The following WDFY2 variants were observed in gnomAD, a reference collection of about 807,000 sequenced individuals.
The protein encoded by WDFY2 is WD repeat and FYVE domain containing 2.
In WDFY2, 36 loss-of-function variants were observed where a neutral mutation model predicts 56.4. The ratio of observed to expected loss-of-function variants is 0.64; its 90% confidence interval spans 0.49 to 0.84. The LOEUF (loss-of-function observed/expected upper bound fraction) is 0.84. Ranked by LOEUF, WDFY2 falls within the 40% of genes least tolerant of loss-of-function variation. The pLI is 0.00. For synonymous variants in WDFY2, 176 were observed against 183.7 expected (o/e 0.96, Z 0.34); for missense variants, 444 against 512.2 (o/e 0.87, Z 1.29).
chr13:51,660,423 C>T (rs746396941), intron 1 of WDFY2, among the ~76,000 whole-genome samples, 173 bp from the exon 2 acceptor site: 119 of 151,808 alleles, frequency 7.8e-4, no homozygotes, highest in Non-Finnish European at 3.5e-4. Context: ...TGGTCTCGAA[C>T]TCCTGACCTC....
chr13:51,609,988 T>G (rs1027667784), intron 1 of WDFY2, among the ~76,000 whole-genome samples: 12 of 152,170 alleles, frequency 7.9e-5, no homozygotes, highest in African/African-American at 2.9e-4. Context: ...CCTCAACATG[T>G]ATGATTCTTG....
intron 1 of WDFY2, among the ~76,000 whole-genome samples, chr13:51,585,419 C>G (rs1253672697): frequency 1.3e-5 from 2 of 152,138 alleles, no homozygotes; most frequent in African/African-American, 4.8e-5. Context: ...TCTTGGAGCT[C>G]GAGGAGAAGC....
chr13:51,723,471 T>G (rs1348062481), intron 5 of WDFY2, among the ~76,000 whole-genome samples: 2 of 152,206 alleles, frequency 1.3e-5, no homozygotes, highest in African/African-American at 4.8e-5. Context: ...TTCACTTTTT[T>G]TTAATGCCAC....
intron 2 of WDFY2, among the ~76,000 whole-genome samples, chr13:51,667,809 T>A (rs1317865003): frequency 6.6e-6 from 1 of 151,618 alleles, no homozygotes; most frequent in African/African-American, 2.4e-5. Context: ...TTCATATTCT[T>A]ATAAACCATA....
rs991794739 is a variant in WDFY2, at chr13:51,743,357, G to A, written c.725+4182G>A. ...GCCAATGGCCTGCAGCCTCAGGCGA[G>A]GCACTGCACCTTTCTGATCTTCAGT... On this transcript the variant is annotated intron_variant, in intron 7 of 11. Transcript: ENST00000298125. Among the ~76,000 whole-genome samples, 9 of 152,308 alleles carry A rather than the reference G, an allele frequency of 5.9e-5. No individual in the cohort carries two copies. The South Asian group carries it at 1.4e-3, about 25-fold the overall frequency.
intron 7 of WDFY2, among the ~76,000 whole-genome samples, chr13:51,745,737 T>TA (rs1457644588): frequency 2.5e-5 from 3 of 117,808 alleles, no homozygotes; most frequent in African/African-American, 9.7e-5. Flanking sequence ...TATCCTTCAT[T>TA]TAAAAAAAAA....
chr13:51,697,049 G>A (rs572781562), intron 3 of WDFY2, among the ~76,000 whole-genome samples: 3 of 152,206 alleles, frequency 2.0e-5, no homozygotes, highest in Admixed American at 2.0e-4. Context: ...ACATTTTAAG[G>A]TGTTAAAATG....
intron 4 of WDFY2, among the ~76,000 whole-genome samples, chr13:51,717,029 A>G (rs1258688193): frequency 2.0e-5 from 3 of 152,182 alleles, no homozygotes; most frequent in African/African-American, 4.8e-5. Flanking sequence ...AGCTTCTTCA[A>G]TAAAGAAATA....
chr13:51,734,126 T>A (rs1566201568), intron 6 of WDFY2, among the ~76,000 whole-genome samples: 2 of 152,176 alleles, frequency 1.3e-5, no homozygotes. Flanking sequence ...TCTGCTAAGT[T>A]ACCAGATCAC....
intron 6 of WDFY2, among the ~76,000 whole-genome samples, chr13:51,733,760 A>G (rs568406283): frequency 1.3e-5 from 2 of 152,270 alleles, no homozygotes; most frequent in Non-Finnish European, 2.9e-5. Flanking sequence ...AACTGCATGG[A>G]GTAGCAGTGA....
chr13:51,638,742 G>C lies in WDFY2; in HGVS notation c.138-21854G>C, dbSNP rs555163332. 4.6e-5 allele frequency among the ~76,000 whole-genome samples: 7 copies of C among 152,292 alleles called. No homozygotes were observed. In the South Asian group the frequency reaches 1.5e-3, roughly 32 times the overall value. On this transcript the variant is annotated intron_variant, in intron 1 of 11. Transcript: ENST00000298125. ...ATATTGGGCACTGCTAAACTTTTTGGATTTTTATTTTTGCAGGGCTTAACT... is the reference window on the plus strand; with the variant it reads ...ATATTGGGCACTGCTAAACTTTTTGCATTTTTATTTTTGCAGGGCTTAACT...
chr13:51,638,056 T>C (rs1955085931), intron 1 of WDFY2, among the ~76,000 whole-genome samples: 1 of 152,232 alleles, frequency 6.6e-6, no homozygotes, highest in African/African-American at 2.4e-5. Context: ...TTTGAATGCC[T>C]CTGACAAGAG....
chr13:51,649,063 T>C (rs1885856), intron 1 of WDFY2, among the ~76,000 whole-genome samples: 136,788 of 152,274 alleles, frequency 0.9, 62,603 homozygotes, highest in Non-Finnish European at 0.98. Flanking sequence ...AGGACAATCA[T>C]TTAATCCTGG....
intron 1 of WDFY2, among the ~76,000 whole-genome samples, chr13:51,620,752 G>A (rs1954709987): frequency 1.3e-5 from 2 of 152,122 alleles, no homozygotes; most frequent in South Asian, 4.2e-4. Flanking sequence ...GGTGTGATGT[G>A]GCCTGTGAGG....
At chr13:51,722,026 TAC>T (rs1166036858) in intron 5 of WDFY2, among the ~76,000 whole-genome samples, 1 of 128,992 alleles carries the variant, frequency 7.8e-6, no homozygotes, top group Admixed American at 9.4e-5. Flanking sequence ...CCTCCACACT[TAC>T]AGGGGTTTTG....
rs1029119881 is a variant in WDFY2 at position 51,764,176 on chromosome 13, G to A, written c.*4407G>A. The A allele has an allele frequency of 5.3e-5, 8 of 152,146 alleles. No individual in the cohort carries two copies. The highest frequency in any genetic ancestry group is 1.4e-4 in the African/African-American group (6 of 41,426). The allele number at this position is 152,146 out of a possible 1,614,324, so 9.4% of individuals were successfully genotyped here. ...TGAGATTTGAATGTTCATGTCAACCGTGTTGAGCGCTCACCAGCCACCAGG... is the reference window on the plus strand; with the variant it reads ...TGAGATTTGAATGTTCATGTCAACCATGTTGAGCGCTCACCAGCCACCAGG... On this transcript the variant is annotated 3_prime_UTR_variant, in exon 12 of 12. Coordinates refer to ENST00000298125, the MANE Select transcript of WDFY2 (RefSeq NM_052950.4).
At chr13:51,724,489 G>A (rs1952562541) in intron 5 of WDFY2, among the ~76,000 whole-genome samples, 2 of 152,060 alleles carry the variant, frequency 1.3e-5, no homozygotes, top group South Asian at 2.1e-4. Context: ...CGACCGCCTC[G>A]GCCTCCCAGA....
intron 7 of WDFY2, among the ~76,000 whole-genome samples, chr13:51,747,289 T>C (rs997973562): frequency 6.6e-6 from 1 of 152,260 alleles, no homozygotes; most frequent in African/African-American, 2.4e-5. Context: ...ATATAACTCT[T>C]TCCTAAGAAT....
intron 5 of WDFY2, among the ~76,000 whole-genome samples, chr13:51,720,786 A>G (rs138573786): frequency 6.6e-6 from 1 of 151,956 alleles, no homozygotes; most frequent in Admixed American, 6.6e-5. Context: ...ACAACATCTC[A>G]CTGTGTCCTC....
Sources: allele counts gnomAD v4.1 joint callset (sites outside exome capture counted in the v4.1 genomes callset), GRCh38; gene constraint gnomAD v4.1.1; transcripts MANE v1.5; gene names NCBI Gene and HGNC (gene_info 2026-07-23, HGNC 2026-07-21).